The following CYYR1 variants were observed in gnomAD, a reference collection of about 807,000 sequenced individuals.
CYYR1 encodes cysteine and tyrosine-rich protein 1.
In CYYR1, 14 loss-of-function variants were observed where a neutral mutation model predicts 15.2. That is an observed-to-expected ratio of 0.92 (90% CI 0.61 to 1.44). The LOEUF (loss-of-function observed/expected upper bound fraction) is 1.44, where lower values mean the gene tolerates loss of function less well. Among genes scored for constraint, CYYR1 ranks in the 40% most tolerant of loss-of-function variants. CYYR1 has a pLI of 0.00. For synonymous variants in CYYR1, 80 were observed against 77.4 expected, an observed-to-expected ratio of 1.03 and a Z score of -0.18; for missense variants, 228 against 209.5, an observed-to-expected ratio of 1.09 and a Z score of -0.54.
In CYYR1 at chr21:26,572,909, C is replaced by T. The variant is rs1470127181; in HGVS notation, c.32G>A (p.Gly11Glu). The part of the protein sequence containing the change: MDAPRLPVRP[G>E]VLLPKLVLLF... ...CAGGACCAACTTCGGAAGCAAGACC[C>T]CTGGACGCACGGGTAGCCTCGGAGC... The change falls in exon 1 of 4, where the codon GGG becomes GAG. Residue 11 changes from glycine to glutamate, a missense_variant. Gly to Glu is a moderately conservative substitution (Grantham distance 98). Coordinates refer to ENST00000652641, the MANE Select transcript of CYYR1 (RefSeq NM_001320768.2). 5.0e-6 allele frequency: 8 copies of T among 1,613,958 alleles called. No homozygotes were observed. Among genetic ancestry groups the T allele is most frequent in the Admixed American group, 1.7e-5 (1 of 60,002 alleles).
chr21:26,572,868 C>T lies in CYYR1; in HGVS notation c.73G>A (p.Asp25Asn), dbSNP rs776333672. 1 of 1,613,912 alleles carries T rather than the reference C, an allele frequency of 6.2e-7. No individual in the cohort carries two copies. The highest frequency in any genetic ancestry group is 8.5e-7 in the Non-Finnish European group (1 of 1,179,950). Reference protein sequence around the residue: ...PKLVLLFVYADDCLAQCGKDC... With the variant: ...PKLVLLFVYANDCLAQCGKDC... ...CTCTCCGCCGCCCTCCGTCACTGAC[C>T]TGCGTAGACAAAGAGCAGGACCAAC... is the stretch of plus-strand genomic sequence containing the variant. Residue 25 changes from aspartate (D) to asparagine (N), a missense_variant and splice_region_variant, in exon 1 of 4, where the codon GAT (aspartate) becomes AAT (asparagine). Asp to Asn is a conservative substitution (Grantham distance 23, BLOSUM62 1). Coordinates refer to ENST00000652641, the MANE Select transcript of CYYR1 (RefSeq NM_001320768.2).
intron 2 of CYYR1, among the ~76,000 whole-genome samples, chr21:26,546,304 C>T (rs1261553760): frequency 6.6e-6 from 1 of 152,224 alleles, no homozygotes; most frequent in African/African-American, 2.4e-5. Context: ...CACAGATTCT[C>T]TTCTGACTCC....
chr21:26,520,113 G>GATAT (rs71183558), intron 2 of CYYR1, among the ~76,000 whole-genome samples: 2,263 of 120,578 alleles, frequency 0.019, 46 homozygotes, highest in East Asian at 0.043. Flanking sequence ...AAACCCAGGA[G>GATAT]ATATATATAT....
rs115186592 is a variant in CYYR1 at position 26,566,485 on chromosome 21, T to C, written c.74-117A>G. 4.1e-3 allele frequency: 2,995 copies of C among 732,612 alleles called. 80 individuals carry two copies. The African/African-American group carries it at 0.047, about 11-fold the overall frequency. 45.4% of individuals were successfully genotyped at this position (732,612 alleles called of 1,614,324 possible). ...ACCACCCTTTAGTGGTTTTAAATCT[T>C]CATTTTCGTCCTCAGAATTCAAAAA... is the stretch of plus-strand genomic sequence containing the variant. On this transcript the variant is annotated intron_variant, in intron 1 of 3. Coordinates refer to ENST00000652641, the MANE Select transcript of CYYR1 (RefSeq NM_001320768.2).
At chr21:26,550,457 G>A (rs1429494697) in intron 2 of CYYR1, 5 of 152,288 alleles carry the variant, frequency 3.3e-5, no homozygotes, top group East Asian at 1.9e-4. Context: ...ATTAAGCTTC[G>A]TGAGGAAGGC....
At chr21:26,567,283 A>G (rs1980701300) in intron 1 of CYYR1, among the ~76,000 whole-genome samples, 1 of 152,228 alleles carries the variant, frequency 6.6e-6, no homozygotes, top group South Asian at 2.1e-4. Context: ...AGAAATCCCC[A>G]GAGACAATTA....
intron 2 of CYYR1, among the ~76,000 whole-genome samples, chr21:26,514,468 C>T (rs2065693760): frequency 6.6e-6 from 1 of 152,208 alleles, no homozygotes; most frequent in Non-Finnish European, 1.5e-5. Flanking sequence ...CTTCTGCCTT[C>T]CACTGTAAAT....
At chr21:26,520,125 T>G (rs1035838963) in intron 2 of CYYR1, among the ~76,000 whole-genome samples, 3 of 142,482 alleles carry the variant, frequency 2.1e-5, no homozygotes, top group Non-Finnish European at 4.6e-5. Flanking sequence ...TATATATATA[T>G]ATATATATAT....
intron 1 of CYYR1, among the ~76,000 whole-genome samples, chr21:26,567,796 A>G (rs1358033224): frequency 6.6e-6 from 1 of 152,238 alleles, no homozygotes; most frequent in Non-Finnish European, 1.5e-5. Context: ...AGGAAATTTT[A>G]CATTGCTTTT....
At chr21:26,564,918 T>G in intron 2 of CYYR1, 1 of 578,292 alleles carries the variant, frequency 1.7e-6, no homozygotes, top group Non-Finnish European at 2.4e-6. Flanking sequence ...TATGCCACTG[T>G]AAACATCATT....
At chr21:26,475,246 ACT>A (rs2123379722) in intron 3 of CYYR1, among the ~76,000 whole-genome samples, 1 of 151,606 alleles carries the variant, frequency 6.6e-6, no homozygotes, top group African/African-American at 2.4e-5. Context: ...AGTTTTTTTC[ACT>A]CTCAGCAGAA....
At chr21:26,549,432 C>A (rs977790888) in intron 2 of CYYR1, among the ~76,000 whole-genome samples, 1 of 152,134 alleles carries the variant, frequency 6.6e-6, no homozygotes, top group Non-Finnish European at 1.5e-5. Flanking sequence ...CAAATTCTTT[C>A]CCACACCTCA....
intron 2 of CYYR1, among the ~76,000 whole-genome samples, chr21:26,544,618 G>GTAT (rs1978819249): frequency 6.6e-6 from 1 of 152,134 alleles, no homozygotes; most frequent in South Asian, 2.1e-4. Context: ...CTTTTGAAGG[G>GTAT]TATACATCCT....
At chr21:26,557,370 G>A (rs1030826480) in intron 2 of CYYR1, among the ~76,000 whole-genome samples, 1 of 152,098 alleles carries the variant, frequency 6.6e-6, no homozygotes, top group Non-Finnish European at 1.5e-5. Flanking sequence ...AAAAATGGGC[G>A]CTCACATAGA....
chr21:26,492,887 A>C (rs1232493862), intron 2 of CYYR1, among the ~76,000 whole-genome samples: 5 of 152,254 alleles, frequency 3.3e-5, no homozygotes, highest in Non-Finnish European at 7.4e-5. Context: ...ACTAGGTTCT[A>C]TGAGATCAGA....
intron 2 of CYYR1, among the ~76,000 whole-genome samples, chr21:26,490,292 C>T (rs170177): frequency 0.46 from 69,673 of 151,410 alleles, 16,678 homozygotes; most frequent in Middle Eastern, 0.53. Flanking sequence ...AGAGTGAGAC[C>T]CTGTCTCAAA....
intron 2 of CYYR1, among the ~76,000 whole-genome samples, chr21:26,536,236 C>T (rs143473535): frequency 1.3e-5 from 2 of 152,082 alleles, no homozygotes; most frequent in Non-Finnish European, 2.9e-5. Flanking sequence ...CTGACACATG[C>T]GGATTACAAT....
intron 2 of CYYR1, among the ~76,000 whole-genome samples, chr21:26,506,290 G>A (rs36100879): frequency 0.054 from 8,141 of 152,154 alleles, 344 homozygotes; most frequent in Non-Finnish European, 0.083. Context: ...TGCTCCCATC[G>A]AAATGCCCCT....
intron 2 of CYYR1, among the ~76,000 whole-genome samples, chr21:26,487,410 T>C (rs1175736725): frequency 2.0e-5 from 3 of 152,134 alleles, no homozygotes; most frequent in African/African-American, 7.2e-5. Flanking sequence ...AAAAATCCTA[T>C]TCCTACTACA....
Sources: allele counts gnomAD v4.1 joint callset (sites outside exome capture counted in the v4.1 genomes callset), GRCh38; gene constraint gnomAD v4.1.1; transcripts MANE v1.5; gene names NCBI Gene and HGNC (gene_info 2026-07-23, HGNC 2026-07-21).